Variants in COX10 observed in about 807,000 individuals in gnomAD.
COX10 encodes the protein cytochrome c oxidase assembly factor heme A:farnesyltransferase COX10.
A neutral mutation model predicts 37.3 loss-of-function variants in COX10; 27 were observed. That is an observed-to-expected ratio of 0.72 (90% CI 0.53 to 1.00). COX10 has a LOEUF of 1.00. Among genes scored for constraint, COX10 ranks in the 50% least tolerant of loss-of-function variants. The pLI is 0.00. For synonymous variants in COX10, 222 were observed against 229.1 expected (o/e 0.97, Z 0.28); for missense variants, 475 against 563.2 (o/e 0.84, Z 1.59).
chr17:14,106,587 TTTG>T (rs1915898155), intron 4 of COX10, among the ~76,000 whole-genome samples: 1 of 152,188 alleles, frequency 6.6e-6, no homozygotes, highest in South Asian at 2.1e-4. Context: ...TTCCCAGTCT[TTTG>T]TTTGTTTGAA....
chr17:14,166,966 A>G (rs994880142), intron 5 of COX10, among the ~76,000 whole-genome samples: 1 of 152,034 alleles, frequency 6.6e-6, no homozygotes, highest in Non-Finnish European at 1.5e-5. Flanking sequence ...GGATGTTGCC[A>G]TAGATCGTGA....
chr17:14,146,195 C>T (rs567608583), intron 4 of COX10, among the ~76,000 whole-genome samples: 2 of 152,164 alleles, frequency 1.3e-5, no homozygotes, highest in East Asian at 3.9e-4. Flanking sequence ...CTAGAGGAAT[C>T]ACATTACCTG....
intron 6 of COX10, among the ~76,000 whole-genome samples, chr17:14,195,075 A>G (rs1288939897): frequency 6.6e-6 from 1 of 152,246 alleles, no homozygotes; most frequent in Non-Finnish European, 1.5e-5. Context: ...TTAATTGCAG[A>G]TCAAACCATA....
intron 1 of COX10, 52 bp from the exon 2 acceptor site, chr17:14,074,271 G>T (rs1597490068): frequency 5.0e-6 from 8 of 1,610,880 alleles, no homozygotes; most frequent in Non-Finnish European, 5.1e-6. Flanking sequence ...GTCATCATTT[G>T]ATAAGAAGTA....
At chr17:14,077,173 A>G in intron 3 of COX10, 117 bp downstream of exon 3, 1 of 927,956 alleles carries the variant, frequency 1.1e-6, no homozygotes, top group South Asian at 1.6e-5. Context: ...CTGTCTTAGT[A>G]TTTTTCCTCT....
At chr17:14,116,369 T>G (rs907955198) in intron 4 of COX10, among the ~76,000 whole-genome samples, 1 of 152,150 alleles carries the variant, frequency 6.6e-6, no homozygotes, top group African/African-American at 2.4e-5. Flanking sequence ...ATTTCATTAC[T>G]AGAGGAAAAC....
chr17:14,179,319 T>A, intron 5 of COX10: 1 of 485,338 alleles, frequency 2.1e-6, no homozygotes, highest in Non-Finnish European at 2.7e-6. Context: ...TCCTTTTTGC[T>A]GGTCTATCCT....
chr17:14,156,234 A>AT (rs765831668), intron 4 of COX10, among the ~76,000 whole-genome samples: 7 of 151,282 alleles, frequency 4.6e-5, no homozygotes, highest in Non-Finnish European at 8.9e-5. Flanking sequence ...GTAAATCTGA[A>AT]TTTTTTTTTT....
At chr17:14,206,338 C>T (rs931669815) in intron 6 of COX10, among the ~76,000 whole-genome samples, 4 of 152,130 alleles carry the variant, frequency 2.6e-5, no homozygotes, top group African/African-American at 7.2e-5. Flanking sequence ...TCCCAGCGGG[C>T]GGAAATGGAG....
At chr17:14,205,615 A>G (rs1052660897) in intron 6 of COX10, among the ~76,000 whole-genome samples, 2 of 151,746 alleles carry the variant, frequency 1.3e-5, no homozygotes, top group African/African-American at 2.4e-5. Flanking sequence ...AGTCACCTGC[A>G]CAGGAATAAC....
chr17:14,199,267 C>G (rs1300939648), intron 6 of COX10, among the ~76,000 whole-genome samples: 2 of 152,156 alleles, frequency 1.3e-5, no homozygotes, highest in Non-Finnish European at 2.9e-5. Flanking sequence ...GACGGTGTGC[C>G]AGCCTCTGGT....
intron 4 of COX10, among the ~76,000 whole-genome samples, chr17:14,147,981 A>C (rs1258402545): frequency 6.6e-6 from 1 of 151,812 alleles, no homozygotes; most frequent in Admixed American, 6.6e-5. Flanking sequence ...AAAAGGGGTC[A>C]GTTCCATACA....
rs1904410159 is a variant in COX10, at chr17:14,137,504, G to A, written c.625-22373G>A. On this transcript the variant is annotated intron_variant, in intron 4 of 6. Transcript: ENST00000261643. Reference sequence around the variant, plus strand: ...TTTTAACCCAGTCATTCTTTTTTTAGAAATTAACATATCCTAAGTGAAAGT... The same window carrying A: ...TTTTAACCCAGTCATTCTTTTTTTAAAAATTAACATATCCTAAGTGAAAGT... 2.0e-5 allele frequency among the ~76,000 whole-genome samples: 3 copies of A among 151,632 alleles called. No individual in the cohort carries two copies. In the South Asian group the frequency reaches 6.2e-4, roughly 31 times the overall value.
intron 1 of COX10, among the ~76,000 whole-genome samples, chr17:14,071,967 C>T (rs1028101290): frequency 1.3e-5 from 2 of 151,944 alleles, no homozygotes; most frequent in African/African-American, 2.4e-5. Context: ...TAATTTTAAA[C>T]GTCCTAAAAT....
intron 6 of COX10, among the ~76,000 whole-genome samples, chr17:14,196,976 A>G (rs1338884473): frequency 1.3e-5 from 2 of 152,174 alleles, no homozygotes; most frequent in African/African-American, 4.8e-5. Flanking sequence ...CTGAGCCAAG[A>G]CATCAAATAC....
intron 4 of COX10, among the ~76,000 whole-genome samples, chr17:14,135,460 AGAT>A (rs1904334166): frequency 6.6e-6 from 1 of 151,888 alleles, no homozygotes; most frequent in East Asian, 1.9e-4. Flanking sequence ...TTGAAAATGC[AGAT>A]GCTTGTCTCC....
In COX10 at chr17:14,129,359, T is replaced by C. The variant is rs1462898687; in HGVS notation, c.624+27117T>C. ...ATATAATAAATGTGTATAAATAATGTAACCTTTCCTCAGCTCATGAGTCCC... is the reference window on the plus strand; with the variant it reads ...ATATAATAAATGTGTATAAATAATGCAACCTTTCCTCAGCTCATGAGTCCC... On this transcript the variant is annotated intron_variant, in intron 4 of 6. Coordinates refer to ENST00000261643, the MANE Select transcript of COX10 (RefSeq NM_001303.4). 2.6e-5 allele frequency among the ~76,000 whole-genome samples: 4 copies of C among 152,076 alleles called. No individual in the cohort carries two copies. The East Asian group carries it at 7.7e-4, about 29-fold the overall frequency.
chr17:14,082,914 C>G (rs994781992), intron 3 of COX10, among the ~76,000 whole-genome samples: 1 of 152,114 alleles, frequency 6.6e-6, no homozygotes, highest in Non-Finnish European at 1.5e-5. Flanking sequence ...GACCACACTT[C>G]GAGAAAGCAA....
At chr17:14,107,428 C>T (rs1819193504) in intron 4 of COX10, among the ~76,000 whole-genome samples, 1 of 151,528 alleles carries the variant, frequency 6.6e-6, no homozygotes, top group Admixed American at 6.6e-5. Context: ...ATTGTATGGT[C>T]TTGCTATTCA....
Sources: allele counts gnomAD v4.1 joint callset (sites outside exome capture counted in the v4.1 genomes callset), GRCh38; gene constraint gnomAD v4.1.1; transcripts MANE v1.5; gene names NCBI Gene and HGNC (gene_info 2026-07-23, HGNC 2026-07-21).